Variants in CYP3A5 observed in about 807,000 individuals in gnomAD.
CYP3A5 encodes cytochrome P450 family 3 subfamily A member 5, also known as cytochrome P450 3A5.
Under a neutral mutation model 55.9 loss-of-function variants are expected in CYP3A5, and 51 were observed. The ratio of observed to expected loss-of-function variants is 0.91; its 90% CI spans 0.73 to 1.15. CYP3A5 has a LOEUF of 1.15. Ranked by LOEUF, CYP3A5 falls within the 50% of genes most tolerant of loss-of-function variation. The probability of loss-of-function intolerance (pLI) is 0.00; values close to 1 mark genes in which losing one functional copy is unlikely to be tolerated. For missense variants in CYP3A5, 533 were observed against 596.6 expected, an observed-to-expected ratio of 0.89 and a Z score of 1.11; for synonymous variants, 196 against 213.9, an observed-to-expected ratio of 0.92 and a Z score of 0.73.
chr7:99,649,914 G>A (rs1303802067), intron 12 of CYP3A5, among the ~76,000 whole-genome samples, 159 bp downstream of exon 12: 5 of 152,172 alleles, frequency 3.3e-5, no homozygotes, highest in Middle Eastern at 3.2e-3. Context: ...AGGTTTTGAA[G>A]TCCAGAACTG....
At chr7:99,673,968 A>C (rs1811965929) in intron 3 of CYP3A5, among the ~76,000 whole-genome samples, 2 of 152,232 alleles carry the variant, frequency 1.3e-5, no homozygotes, top group African/African-American at 4.8e-5. Context: ...AAGCCTCGAA[A>C]AGTTTTACAA....
At chr7:99,669,749 A>G (rs1584459344) in intron 4 of CYP3A5, among the ~76,000 whole-genome samples, 1 of 152,250 alleles carries the variant, frequency 6.6e-6, no homozygotes, top group Non-Finnish European at 1.5e-5. Flanking sequence ...TCACCATGCT[A>G]TTAAAAGACA....
intron 8 of CYP3A5, chr7:99,663,210 G>A: frequency 9.2e-7 from 1 of 1,083,050 alleles, no homozygotes; most frequent in South Asian, 3.0e-5. Flanking sequence ...TGCTTACCCA[G>A]GAAGAAGTAC....
intron 11 of CYP3A5, among the ~76,000 whole-genome samples, chr7:99,650,546 TAAATG>T (rs1809071499): frequency 6.6e-6 from 1 of 152,330 alleles, no homozygotes; most frequent in East Asian, 1.9e-4. Context: ...AAAAGGCACA[TAAATG>T]ATAAGACTGA....
chr7:99,654,085 A>AT (rs769616402), intron 10 of CYP3A5, among the ~76,000 whole-genome samples: 122 of 148,866 alleles, frequency 8.2e-4, no homozygotes, highest in Non-Finnish European at 1.6e-3. Flanking sequence ...AGGTTTTTGA[A>AT]TTTTTTTTTT....
At chr7:99,663,360 G>A (rs947086245) in intron 8 of CYP3A5, 10 of 991,532 alleles carry the variant, frequency 1.0e-5, no homozygotes, top group Non-Finnish European at 1.1e-5. Flanking sequence ...ATAATCTTCA[G>A]TGACAGCTGG....
chr7:99,677,334 T>G, intron 1 of CYP3A5: 1 of 754,718 alleles, frequency 1.3e-6, no homozygotes, highest in South Asian at 6.0e-5. Flanking sequence ...AGAGGCAAAC[T>G]ACAAAAATGT....
chr7:99,655,196 G>A (rs1244430061), intron 10 of CYP3A5, among the ~76,000 whole-genome samples: 3 of 152,150 alleles, frequency 2.0e-5, no homozygotes, highest in Non-Finnish European at 4.4e-5. Context: ...TTCTTCTAGG[G>A]TTTTTATGGT....
At chr7:99,675,653 C>T (rs2528516) in intron 2 of CYP3A5, among the ~76,000 whole-genome samples, 74 of 722 alleles carry the variant, frequency 0.1, 8 homozygotes, top group Non-Finnish European at 0.1. Context: ...TCCCCCCTCC[C>T]CTCCCCTCCC....
chr7:99,656,812 G>A (rs1315721052), intron 10 of CYP3A5, among the ~76,000 whole-genome samples: 1 of 152,196 alleles, frequency 6.6e-6, no homozygotes, highest in Non-Finnish European at 1.5e-5. Context: ...AGTCTTGGGA[G>A]AGTGTATGTG....
chr7:99,658,188 A>G (rs1809976438), intron 10 of CYP3A5, among the ~76,000 whole-genome samples: 2 of 152,160 alleles, frequency 1.3e-5, no homozygotes, highest in Admixed American at 1.3e-4. Context: ...GATGGTCTTT[A>G]CAATTTGGCA....
chr7:99,648,594 C>T (rs1325100784), intron 12 of CYP3A5, among the ~76,000 whole-genome samples, 194 bp from the exon 13 acceptor site: 2 of 151,890 alleles, frequency 1.3e-5, no homozygotes, highest in Non-Finnish European at 2.9e-5. Flanking sequence ...ACTCACCATC[C>T]ATCGTTTAAC....
chr7:99,661,453 A>G (rs192581859), intron 9 of CYP3A5, among the ~76,000 whole-genome samples: 1 of 152,360 alleles, frequency 6.6e-6, no homozygotes, highest in East Asian at 1.9e-4. Context: ...ACAAAAAGCC[A>G]GAAGCATGGT....
chr7:99,657,878 C>T (rs537355348), intron 10 of CYP3A5, among the ~76,000 whole-genome samples: 6 of 152,230 alleles, frequency 3.9e-5, no homozygotes, highest in Non-Finnish European at 7.4e-5. Context: ...GGTTTAAAGC[C>T]TGTTTTATCA....
Position 99,662,736 on chromosome 7 carries a change from A to G in CYP3A5, c.865+80T>C. ...TGGCAAAAATTCTCATCTTCCTGGA[A>G]TACTTCCTGCACATTTTCAGAACAA... On this transcript the variant is annotated intron_variant, in intron 9 of 12. Transcript: ENST00000222982. The surrounding 1 kb of genome is among the most constrained non-coding windows in gnomAD (Gnocchi z 4.3). 4 of 1,355,572 alleles carry G rather than the reference A, an allele frequency of 3.0e-6. No individual in the cohort carries two copies. Among genetic ancestry groups the G allele is most frequent in the Admixed American group, 1.8e-5 (1 of 55,630 alleles). 84.0% of individuals were successfully genotyped at this position (1,355,572 alleles called of 1,614,324 possible).
In CYP3A5 at chr7:99,653,489, G is replaced by A. The variant is rs938698272; in HGVS notation, c.1027-710C>T. On this transcript the variant is annotated intron_variant, in intron 10 of 12. Transcript: ENST00000222982. The surrounding 1 kb of genome is among the most constrained non-coding windows in gnomAD (Gnocchi z 4.2). ...AATAAATAAATAAATAAATAAATTT[G>A]TGGATAAACTTGTTCCTTTCTATCA... 1.9e-5 allele frequency among the ~76,000 whole-genome samples: 2 copies of A among 102,604 alleles called. No individual in the cohort carries two copies. The highest frequency in any genetic ancestry group is 4.0e-5 in the Non-Finnish European group (2 of 50,204). The allele number at this position is 102,604 out of a possible 152,430, so 67.3% of individuals were successfully genotyped here.
Position 99,674,528 on chromosome 7 carries a change from C to T in CYP3A5, c.218+5G>A. ...CTATCCAATGGAGGTTTTCAGAATA[C>T]TCACCCCCACATTTTTCCATACTTT... is the stretch of plus-strand genomic sequence containing the variant. On this transcript the variant is annotated splice_donor_5th_base_variant and intron_variant, in intron 3 of 12. Coordinates refer to ENST00000222982, the MANE Select transcript of CYP3A5 (RefSeq NM_000777.5). 6.2e-7 allele frequency: 1 copy of T among 1,613,172 alleles called. No homozygotes were observed. The highest frequency in any genetic ancestry group is 8.5e-7 in the Non-Finnish European group (1 of 1,179,224).
rs544200316 is a variant in CYP3A5, at chr7:99,660,339, A to G, written c.1026+160T>C. The G allele has an allele frequency of 8.2e-5, 105 of 1,284,462 alleles. No homozygotes were observed. In the African/African-American group the frequency reaches 1.6e-3, roughly 19 times the overall value. 79.6% of individuals were successfully genotyped at this position (1,284,462 alleles called of 1,614,324 possible). ...CTTCTGCCAGTAGCAACCGTTCTCTATGTTTCTCCCTTTGTTTTTCTCCTC... is the reference window on the plus strand; with the variant it reads ...CTTCTGCCAGTAGCAACCGTTCTCTGTGTTTCTCCCTTTGTTTTTCTCCTC... On this transcript the variant is annotated intron_variant, in intron 10 of 12. Transcript: ENST00000222982.
Position 99,676,405 on chromosome 7 carries a change from T to C in CYP3A5, c.72-197A>G, listed in dbSNP as rs762084802. On this transcript the variant is annotated intron_variant, in intron 1 of 12. Transcript: ENST00000222982. ...ACTATTCTGAGACCCCTGAAAAGTC[T>C]CAATGATTAGCTGAAAGCAGCTGAA... is the stretch of plus-strand genomic sequence containing the variant. 3.3e-6 allele frequency: 5 copies of C among 1,506,970 alleles called. No individual in the cohort carries two copies. The South Asian group carries it at 5.6e-5, about 17-fold the overall frequency. 93.3% of individuals were successfully genotyped at this position (1,506,970 alleles called of 1,614,324 possible).
Sources: allele counts gnomAD v4.1 joint callset (sites outside exome capture counted in the v4.1 genomes callset), GRCh38; gene constraint gnomAD v4.1.1; non-coding constraint Gnocchi (gnomAD v3.1); transcripts MANE v1.5; gene names NCBI Gene and HGNC (gene_info 2026-07-23, HGNC 2026-07-21).